RAPGEF3: variants seen among roughly 807,000 people sequenced by gnomAD.
RAPGEF3 encodes the protein Rap guanine nucleotide exchange factor 3.
Under a neutral mutation model 129.8 loss-of-function variants are expected in RAPGEF3, and 103 were observed. The ratio of observed to expected loss-of-function variants is 0.79; its 90% CI spans 0.68 to 0.93. RAPGEF3 has a LOEUF of 0.93. RAPGEF3 is among the 40% of genes least tolerant of loss of function. RAPGEF3 has a pLI of 0.00. For missense variants in RAPGEF3, 1,117 were observed against 1,207.4 expected (o/e 0.93, Z 1.11); for synonymous variants, 436 against 482.6 (o/e 0.90, Z 1.26).
Position 47,751,087 on chromosome 12 carries a change from C to A in RAPGEF3, c.632G>T (p.Arg211Leu), listed in dbSNP as rs1304513492. The A allele has an allele frequency of 1.3e-6, 2 of 1,593,750 alleles. No homozygotes were observed. Among genetic ancestry groups the A allele is most frequent in the East Asian group, 2.3e-5 (1 of 44,044 alleles). Residue 211 changes from arginine to leucine, a missense_variant, in exon 6 of 28, where the codon CGG becomes CTG. Arg to Leu is a moderately radical substitution (Grantham distance 102, BLOSUM62 -2). Coordinates refer to ENST00000449771, the MANE Select transcript of RAPGEF3 (RefSeq NM_001098531.4). ...LAEAVALLSQRGPDALLTVAL... is the reference protein window; with the variant it reads ...LAEAVALLSQLGPDALLTVAL... ...CACAGTGAGCAGGGCGTCAGGCCCC[C>A]GCTGGGAGAGCAGGGCCACAGCTTC... is the stretch of plus-strand genomic sequence containing the variant.
intron 27 of RAPGEF3, 23 bp downstream of exon 27, chr12:47,737,999 A>G: frequency 1.4e-6 from 1 of 736,452 alleles, no homozygotes; most frequent in African/African-American, 1.8e-5. Context: ...CTCCCTGCCC[A>G]CCCACCATCG....
At chr12:47,740,226 G>T in intron 22 of RAPGEF3, 35 bp from the exon 23 acceptor site, 1 of 1,613,202 alleles carries the variant, frequency 6.2e-7, no homozygotes, top group Non-Finnish European at 8.5e-7. Context: ...GCTGCTCTGG[G>T]GGAGGCCCAG....
intron 15 of RAPGEF3, 136 bp from the exon 16 acceptor site, chr12:47,747,035 A>G: frequency 1.2e-6 from 1 of 812,382 alleles, no homozygotes; most frequent in East Asian, 2.8e-5. Context: ...AGTATCACAT[A>G]AAGAGGGGAG....
chr12:47,739,525 C>T (rs1185600366), intron 23 of RAPGEF3: 2 of 608,466 alleles, frequency 3.3e-6, no homozygotes, highest in Non-Finnish European at 6.0e-6. Flanking sequence ...CTGTGTCCCT[C>T]CCTCTCTCTC....
At chr12:47,751,286 C>T (rs979204665) in intron 5 of RAPGEF3, 70 bp from the exon 6 acceptor site, 13 of 1,553,574 alleles carry the variant, frequency 8.4e-6, no homozygotes, top group Non-Finnish European at 1.1e-5. Context: ...AACCCCACTG[C>T]GATGCCACCC....
rs1362815485 is a variant in RAPGEF3 at position 47,758,603 on chromosome 12, G to A, written c.-47C>T. The A allele has an allele frequency of 1.9e-6, 3 of 1,611,154 alleles. No homozygotes were observed. The highest frequency in any genetic ancestry group is 1.1e-5 in the South Asian group (1 of 90,718). ...GCCGTGCAGGCTCTAGCAAAAGGCT[G>A]GGGGGTCCCCAGCGACCCCCATCAG... On this transcript the variant is annotated 5_prime_UTR_variant, in exon 1 of 28. Transcript: ENST00000449771.
intron 2 of RAPGEF3, 36 bp downstream of exon 2, chr12:47,757,830 C>T: frequency 1.3e-6 from 2 of 1,528,818 alleles, no homozygotes; most frequent in Non-Finnish European, 1.8e-6. Context: ...AGCTCTGGTA[C>T]TGGCCCTGGC....
rs1332980472 is a variant in RAPGEF3, at chr12:47,758,644, C to T, written c.-88G>A. The T allele has an allele frequency of 5.6e-6, 9 of 1,593,502 alleles. No individual in the cohort carries two copies. In the Admixed American group the frequency reaches 1.4e-4, roughly 25 times the overall value. ...CCCCCATCAGCTTTGATAAGGGGATCCGGAGGGTGCCAGTGGGTAAGTCCA... is the reference window on the plus strand; with the variant it reads ...CCCCCATCAGCTTTGATAAGGGGATTCGGAGGGTGCCAGTGGGTAAGTCCA... On this transcript the variant is annotated 5_prime_UTR_variant, in exon 1 of 28. Coordinates refer to ENST00000449771, the MANE Select transcript of RAPGEF3 (RefSeq NM_001098531.4).
chr12:47,752,214 C>T (rs1377523531), intron 2 of RAPGEF3, among the ~76,000 whole-genome samples: 3 of 152,336 alleles, frequency 2.0e-5, no homozygotes, highest in Admixed American at 1.3e-4. Flanking sequence ...CAGTTGAGAG[C>T]CCTAAGACAC....
intron 18 of RAPGEF3, 68 bp downstream of exon 18, chr12:47,743,462 A>T (rs1437811324): frequency 3.1e-5 from 48 of 1,533,506 alleles, no homozygotes; most frequent in Admixed American, 9.0e-5. Flanking sequence ...AATGATCTTG[A>T]CTGGGGGACC....
intron 17 of RAPGEF3, 120 bp downstream of exon 17, chr12:47,743,867 G>A: frequency 7.4e-7 from 1 of 1,354,556 alleles, no homozygotes; most frequent in Admixed American, 1.9e-5. Context: ...ACCCTGAGGA[G>A]TACAGCGTGC....
At chr12:47,740,050 T>C in intron 23 of RAPGEF3, 91 bp downstream of exon 23, 1 of 1,431,876 alleles carries the variant, frequency 7.0e-7, no homozygotes, top group South Asian at 1.2e-5. Context: ...GTAGAGGGGC[T>C]GCAGGGAAGC....
At position 47,735,403 on chromosome 12, in the gene RAPGEF3, C is replaced by G. The variant is rs1219715311; in HGVS notation, c.*2164G>C. On this transcript the variant is annotated 3_prime_UTR_variant, in exon 28 of 28. Transcript: ENST00000449771. ...AGCACAAACTCCCAGCATGGGGCCA[C>G]CGTAACATGGAGCCTTTCCCCGCTT... 6.6e-6 allele frequency: 1 copy of G among 152,360 alleles called. No homozygotes were observed. The highest frequency in any genetic ancestry group is 1.5e-5 in the Non-Finnish European group (1 of 68,188). The allele number at this position is 152,360 out of a possible 1,614,324, so 9.4% of individuals were successfully genotyped here.
chr12:47,739,900 T>C (rs973598605), intron 23 of RAPGEF3: 4 of 586,652 alleles, frequency 6.8e-6, no homozygotes, highest in African/African-American at 5.6e-5. Flanking sequence ...CCTGCCCCCA[T>C]GCACACACTG....
intron 23 of RAPGEF3, 93 bp downstream of exon 23, chr12:47,740,048 G>T (rs1941047037): frequency 1.4e-6 from 2 of 1,411,672 alleles, no homozygotes; most frequent in South Asian, 1.2e-5. Flanking sequence ...GAGTAGAGGG[G>T]CTGCAGGGAA....
At position 47,740,355 on chromosome 12, in the gene RAPGEF3, T is replaced by C. The variant is rs753479265; in HGVS notation, c.2272A>G (p.Met758Val). Reference protein sequence around the residue: ...QKNLNSFFAVMFGLSNSAISR... With the variant: ...QKNLNSFFAVVFGLSNSAISR... ...ATGGCCGAGTTGCTGAGGCCAAACATGACGGCAAAGAAGGAATTGAGATTC... is the reference window on the plus strand; with the variant it reads ...ATGGCCGAGTTGCTGAGGCCAAACACGACGGCAAAGAAGGAATTGAGATTC... Residue 758 changes from methionine to valine, a missense_variant, in exon 22 of 28, where the codon ATG (methionine) becomes GTG (valine). Around this residue, in one of 3 missense-constraint regions of RAPGEF3, gnomAD observed 643 missense variants for 673.4 expected, o/e 0.95. Transcript: ENST00000449771. The C allele has an allele frequency of 6.2e-7, 1 of 1,614,070 alleles. No homozygotes were observed. Among genetic ancestry groups the C allele is most frequent in the East Asian group, 2.2e-5 (1 of 44,872 alleles).
rs773510418 is a variant in RAPGEF3 at position 47,757,995 on chromosome 12, GGCTCCCACCCGCGGT to G, written c.75_89del (p.Pro26_Ala30del). Reference sequence around the variant, plus strand: ...TCCCCTCCGGCACCACGTCAGGGAGGGCTCCCACCCGCGGTGCTCCCAGAGCTGGGCTATCCTCCA... The same window carrying G: ...TCCCCTCCGGCACCACGTCAGGGAGGGCTCCCAGAGCTGGGCTATCCTCCA... On this transcript the variant is annotated inframe_deletion, in exon 2 of 28. Coordinates refer to ENST00000449771, the MANE Select transcript of RAPGEF3 (RefSeq NM_001098531.4). 1 of 1,573,214 alleles carries G rather than the reference GGCTCCCACCCGCGGT, an allele frequency of 6.4e-7. No individual in the cohort carries two copies. The highest frequency in any genetic ancestry group is 8.6e-7 in the Non-Finnish European group (1 of 1,158,924).
chr12:47,746,223 A>C (rs2136769597), intron 16 of RAPGEF3: 1 of 193,662 alleles, frequency 5.2e-6, no homozygotes, highest in South Asian at 9.3e-5. Context: ...GGAGGAGAAG[A>C]AGCCAGTAAG....
rs1334618254 is a variant in RAPGEF3 at position 47,740,671 on chromosome 12, C to T, written c.2202G>A (p.Leu734=). Residue 734 remains leucine (L), a synonymous_variant, in exon 21 of 28, where the codon CTG becomes CTA. Transcript: ENST00000449771. ...CCGCCAGCTTAATGAACTTCCTGAG[C>T]AGCTGGGCCCGGGGGCCGGGCACGG... ...LCPVPGPRAQ[L]LRKFIKLAAH... 1 of 1,613,664 alleles carries T rather than the reference C, an allele frequency of 6.2e-7. No individual in the cohort carries two copies. The highest frequency in any genetic ancestry group is 1.3e-5 in the African/African-American group (1 of 74,948).
Sources: allele counts gnomAD v4.1 joint callset (sites outside exome capture counted in the v4.1 genomes callset), GRCh38; gene constraint gnomAD v4.1.1; regional missense constraint gnomAD v4.1.1; transcripts MANE v1.5; gene names NCBI Gene and HGNC (gene_info 2026-07-23, HGNC 2026-07-21).